Variants in FHIT observed in about 807,000 individuals in gnomAD.
The protein encoded by FHIT is bis(5'-adenosyl)-triphosphatase.
In FHIT, 19 loss-of-function variants were observed where a neutral mutation model predicts 17.9. That is an observed-to-expected ratio of 1.06 (90% confidence interval 0.74 to 1.56). FHIT has a LOEUF of 1.56. Among genes scored for constraint, FHIT ranks in the 40% most tolerant of loss-of-function variants. FHIT has a pLI of 0.00. For missense variants in FHIT, 248 were observed against 189.2 expected, an observed-to-expected ratio of 1.31 and a Z score of -1.82; for synonymous variants, 81 against 69.7, an observed-to-expected ratio of 1.16 and a Z score of -0.81.
At chr3:60,257,619 A>G (rs556058501) in intron 5 of FHIT, among the ~76,000 whole-genome samples, 1 of 152,206 alleles carries the variant, frequency 6.6e-6, no homozygotes, top group East Asian at 1.9e-4. Context: ...GAAGTAGGGG[A>G]GCAGGAGGAG....
intron 5 of FHIT, among the ~76,000 whole-genome samples, chr3:60,295,073 C>T (rs575091709): frequency 3.3e-5 from 5 of 152,022 alleles, no homozygotes; most frequent in South Asian, 2.1e-4. Context: ...TGTCTCAGTC[C>T]GCTTGTGTCG....
chr3:60,509,763 T>C (rs1177776762), intron 5 of FHIT, among the ~76,000 whole-genome samples: 1 of 152,268 alleles, frequency 6.6e-6, no homozygotes, highest in East Asian at 1.9e-4. Context: ...CTGTTGACAA[T>C]GATCTGTTTC....
intron 5 of FHIT, among the ~76,000 whole-genome samples, chr3:60,371,842 GTTTTT>G (rs10576261): frequency 4.9e-5 from 7 of 143,020 alleles, no homozygotes; most frequent in African/African-American, 1.5e-4. Flanking sequence ...TTTTTGTGGG[GTTTTT>G]TTTTTTTTTT....
At chr3:60,031,249 T>C (rs907566738) in intron 5 of FHIT, among the ~76,000 whole-genome samples, 2 of 152,228 alleles carry the variant, frequency 1.3e-5, no homozygotes, top group Admixed American at 6.5e-5. Context: ...GGGATAGTCA[T>C]GGAGTTTTCT....
intron 4 of FHIT, among the ~76,000 whole-genome samples, chr3:60,551,634 C>G (rs1576862337): frequency 7.5e-6 from 1 of 133,006 alleles, no homozygotes; most frequent in African/African-American, 2.9e-5. Context: ...GTGGCATGCA[C>G]CTATAGTCCC....
intron 5 of FHIT, among the ~76,000 whole-genome samples, chr3:60,117,822 T>C (rs1705046070): frequency 6.6e-6 from 1 of 152,086 alleles, no homozygotes; most frequent in African/African-American, 2.4e-5. Context: ...ATCCCCTGCT[T>C]CCTCTGTACA....
At chr3:60,129,049 G>GTTGTTTTTTTTTTTTTTTTT (rs759645654) in intron 5 of FHIT, among the ~76,000 whole-genome samples, 1 of 121,042 alleles carries the variant, frequency 8.3e-6, no homozygotes, top group Non-Finnish European at 1.6e-5. Flanking sequence ...TTCCTTTTTT[G>GTTGTTTTTTTTTTTTTTTTT]TTTGTTTTTT....
chr3:60,637,148 G>A (rs981399198), intron 4 of FHIT, among the ~76,000 whole-genome samples: 6 of 150,898 alleles, frequency 4.0e-5, no homozygotes, highest in Non-Finnish European at 7.4e-5. Context: ...GGTGCTTAGA[G>A]AAAAAAAAAG....
chr3:61,175,537 ATAAT>A (rs2038132153), intron 2 of FHIT, among the ~76,000 whole-genome samples: 1 of 152,128 alleles, frequency 6.6e-6, no homozygotes, highest in African/African-American at 2.4e-5. Context: ...TAATTAATTA[ATAAT>A]TAATTAAATT....
intron 4 of FHIT, among the ~76,000 whole-genome samples, chr3:60,569,769 T>TTTTTTTTTTTG (rs1232418692): frequency 1.2e-5 from 1 of 83,964 alleles, no homozygotes; most frequent in African/African-American, 5.3e-5. Flanking sequence ...TTTTTTTTTT[T>TTTTTTTTTTTG]AGACAGAGTT....
chr3:61,077,709 C>G lies in FHIT; in HGVS notation c.-163-35610G>C, dbSNP rs1211689307. Among the ~76,000 whole-genome samples, 5 of 152,080 alleles carry G rather than the reference C, an allele frequency of 3.3e-5. No homozygotes were observed. The East Asian group carries it at 9.6e-4, about 29-fold the overall frequency. On this transcript the variant is annotated intron_variant, in intron 2 of 9. Coordinates refer to ENST00000492590, the MANE Select transcript of FHIT (RefSeq NM_002012.4). ...ATCTGGAAAGCCTTTTTCAAAGTCC[C>G]TAAGTCTGAGTTCCTTACATCCCAC...
chr3:60,554,501 T>C (rs536208948), intron 4 of FHIT, among the ~76,000 whole-genome samples: 29 of 152,300 alleles, frequency 1.9e-4, no homozygotes, highest in Admixed American at 9.8e-4. Context: ...TGTGGACATA[T>C]TGGGACATCA....
At chr3:59,770,996 C>G (rs1702048855) in intron 8 of FHIT, among the ~76,000 whole-genome samples, 1 of 152,214 alleles carries the variant, frequency 6.6e-6, no homozygotes, top group African/African-American at 2.4e-5. Context: ...CCTGTTTTCA[C>G]ATTTGCACAT....
chr3:60,317,465 T>G (rs73836725), intron 5 of FHIT, among the ~76,000 whole-genome samples: 47 of 151,280 alleles, frequency 3.1e-4, no homozygotes, highest in African/African-American at 1.1e-3. Context: ...CATAAAATAT[T>G]TCAGTAGTTA....
intron 1 of FHIT, among the ~76,000 whole-genome samples, chr3:61,206,968 C>T (rs1445128585): frequency 6.6e-6 from 1 of 152,096 alleles, no homozygotes; most frequent in African/African-American, 2.4e-5. Flanking sequence ...TCATAGATAG[C>T]TCTTATTATT....
intron 4 of FHIT, among the ~76,000 whole-genome samples, chr3:60,586,373 T>C (rs534829917): frequency 6.6e-6 from 1 of 151,892 alleles, no homozygotes; most frequent in Non-Finnish European, 1.5e-5. Context: ...AAGTTAGAGA[T>C]AAAAACAACA....
At chr3:61,205,870 G>A (rs2039212112) in intron 1 of FHIT, among the ~76,000 whole-genome samples, 2 of 149,932 alleles carry the variant, frequency 1.3e-5, no homozygotes, top group Admixed American at 1.3e-4. Flanking sequence ...TGCTTTTGGT[G>A]TTTTAGACAT....
intron 5 of FHIT, among the ~76,000 whole-genome samples, chr3:60,236,875 C>T (rs1465822619): frequency 6.6e-6 from 1 of 152,110 alleles, no homozygotes; most frequent in South Asian, 2.1e-4. Context: ...GCTACATATG[C>T]ACATATACAA....
intron 7 of FHIT, among the ~76,000 whole-genome samples, chr3:59,960,736 G>A (rs1342496794): frequency 1.3e-5 from 2 of 152,080 alleles, no homozygotes; most frequent in Non-Finnish European, 2.9e-5. Flanking sequence ...TCTTCCTCTT[G>A]CGTTTCAATA....
Sources: gnomAD v4.1 joint callset for allele counts (sites outside exome capture counted in the v4.1 genomes callset) on GRCh38, gnomAD v4.1.1 for gene constraint, MANE v1.5 for transcripts, NCBI Gene and HGNC (gene_info 2026-07-23, HGNC 2026-07-21) for gene names.